MCC: variants seen among roughly 807,000 people sequenced by gnomAD.
MCC encodes the protein MCC regulator of Wnt signaling pathway.
Under a neutral mutation model 116.2 loss-of-function variants are expected in MCC, and 90 were observed. The observed-to-expected ratio is 0.77, with a 90% CI of 0.65 to 0.92. The LOEUF (loss-of-function observed/expected upper bound fraction) is 0.92. Ranked by LOEUF, MCC falls within the 40% of genes least tolerant of loss-of-function variation. The pLI is 0.00. For missense variants in MCC, 1,516 were observed against 1,312.2 expected (o/e 1.16, Z -2.40); for synonymous variants, 578 against 510.5 (o/e 1.13, Z -1.78).
intron 3 of MCC, among the ~76,000 whole-genome samples, chr5:113,243,390 G>C (rs1436605271): frequency 1.3e-5 from 2 of 152,070 alleles, no homozygotes; most frequent in Non-Finnish European, 2.9e-5. Context: ...CTATACTCCA[G>C]GTCTCTGCCT....
intron 11 of MCC, among the ~76,000 whole-genome samples, chr5:113,078,215 C>A (rs1181145602): frequency 2.6e-5 from 4 of 152,180 alleles, no homozygotes; most frequent in Non-Finnish European, 4.4e-5. Flanking sequence ...CAGCCGAATT[C>A]TACCAGAGGT....
intron 4 of MCC, among the ~76,000 whole-genome samples, chr5:113,145,151 AC>A (rs774468179): frequency 2.0e-5 from 3 of 152,328 alleles, no homozygotes; most frequent in Admixed American, 1.3e-4. Context: ...TTCCTCTCAG[AC>A]CTGCAGCACA....
chr5:113,280,235 G>C (rs1157395344), intron 3 of MCC, among the ~76,000 whole-genome samples: 1 of 152,232 alleles, frequency 6.6e-6, no homozygotes. Context: ...CTGTAGCCCA[G>C]ATCCTTTTTC....
At chr5:113,471,484 C>A (rs111779162) in intron 1 of MCC, among the ~76,000 whole-genome samples, 2 of 152,084 alleles carry the variant, frequency 1.3e-5, no homozygotes, top group Non-Finnish European at 2.9e-5. Flanking sequence ...TGCAGAGCAG[C>A]GGATACTGGT....
intron 1 of MCC, among the ~76,000 whole-genome samples, chr5:113,486,882 A>C (rs1185087597): frequency 6.6e-6 from 1 of 151,838 alleles, no homozygotes; most frequent in Non-Finnish European, 1.5e-5. Context: ...GTTTGCCTTT[A>C]TTATTGCAAA....
intron 2 of MCC, among the ~76,000 whole-genome samples, chr5:113,346,462 G>A (rs774765364): frequency 6.6e-5 from 10 of 152,054 alleles, no homozygotes; most frequent in Middle Eastern, 3.4e-3. Context: ...TTAGCCAGGC[G>A]TAGTGGTGGG....
At chr5:113,470,754 C>A (rs1772062249) in intron 1 of MCC, among the ~76,000 whole-genome samples, 1 of 93,822 alleles carries the variant, frequency 1.1e-5, no homozygotes, top group South Asian at 4.6e-4. Context: ...GGAAGTTCTC[C>A]TGGATAATAT....
chr5:113,182,359 C>G (rs76409729), intron 3 of MCC, among the ~76,000 whole-genome samples: 7,210 of 152,258 alleles, frequency 0.047, 218 homozygotes, highest in Middle Eastern at 0.11. Flanking sequence ...TTTCCTCAGA[C>G]CACACTAACA....
chr5:113,047,224 A>G (rs1440481379), intron 16 of MCC, among the ~76,000 whole-genome samples: 1 of 152,066 alleles, frequency 6.6e-6, no homozygotes, highest in Non-Finnish European at 1.5e-5. Context: ...CTCTGCGATC[A>G]CCCATTTGCC....
chr5:113,317,435 T>G (rs1163682772), intron 3 of MCC, among the ~76,000 whole-genome samples: 1 of 152,214 alleles, frequency 6.6e-6, no homozygotes, highest in Non-Finnish European at 1.5e-5. Context: ...TTTGAGTAAA[T>G]GACACTATAA....
In MCC at chr5:113,441,363, A is replaced by G. The variant is rs566762455; in HGVS notation, c.170+46882T>C. Among the ~76,000 whole-genome samples, 5 of 150,428 alleles carry G rather than the reference A, an allele frequency of 3.3e-5. No homozygotes were observed. The East Asian group carries it at 1.0e-3, about 30-fold the overall frequency. The stretch of plus-strand genomic sequence containing the variant: ...CAAAACAAAACAAAACAAAACAAAA[A>G]ACAAGTTCTCTTTATAGTAGAGAAA... On this transcript the variant is annotated intron_variant, in intron 1 of 18. Transcript: ENST00000408903.
intron 3 of MCC, among the ~76,000 whole-genome samples, chr5:113,337,214 T>C (rs1176367046): frequency 2.0e-5 from 3 of 152,072 alleles, no homozygotes; most frequent in Non-Finnish European, 4.4e-5. Context: ...AGTGGCAGTA[T>C]TTGGGGGACT....
At chr5:113,364,515 G>A (rs897282983) in intron 2 of MCC, among the ~76,000 whole-genome samples, 7 of 152,204 alleles carry the variant, frequency 4.6e-5, no homozygotes, top group Middle Eastern at 3.2e-3. Context: ...GGTGCAAACT[G>A]CCAGTGGCTC....
chr5:113,452,266 C>G (rs1462745922), intron 1 of MCC, among the ~76,000 whole-genome samples: 4 of 152,196 alleles, frequency 2.6e-5, no homozygotes, highest in African/African-American at 7.2e-5. Context: ...AAGGAAGCCA[C>G]ATGCATATAT....
intron 2 of MCC, among the ~76,000 whole-genome samples, chr5:113,365,791 C>T (rs1254650848): frequency 1.3e-5 from 2 of 152,150 alleles, no homozygotes; most frequent in East Asian, 3.9e-4. Flanking sequence ...TGGCAGAAGG[C>T]AAAGGAGGAG....
At chr5:113,031,641 C>G (rs1000046542) in intron 17 of MCC, among the ~76,000 whole-genome samples, 20 of 152,076 alleles carry the variant, frequency 1.3e-4, no homozygotes, top group African/African-American at 4.6e-4. Flanking sequence ...AAATTCACAA[C>G]AAAAAACTCT....
intron 5 of MCC, among the ~76,000 whole-genome samples, chr5:113,130,335 T>G (rs6594689): frequency 0.94 from 143,127 of 152,108 alleles, 67,830 homozygotes; most frequent in East Asian, 1. Context: ...GGGGCCTGTC[T>G]GGGGATGGGG....
At chr5:113,047,270 G>C (rs1422443153) in intron 16 of MCC, among the ~76,000 whole-genome samples, 1 of 152,208 alleles carries the variant, frequency 6.6e-6, no homozygotes, top group African/African-American at 2.4e-5. Context: ...ATTCCTAGAG[G>C]ACAGACTGCC....
At chr5:113,131,692 C>G (rs1376196770) in intron 5 of MCC, among the ~76,000 whole-genome samples, 3 of 152,132 alleles carry the variant, frequency 2.0e-5, no homozygotes, top group African/African-American at 7.2e-5. Flanking sequence ...CTGCTACTGA[C>G]TTTGCACCAC....
Sources: gnomAD v4.1 joint callset for allele counts (sites outside exome capture counted in the v4.1 genomes callset) on GRCh38, gnomAD v4.1.1 for gene constraint, MANE v1.5 for transcripts, NCBI Gene and HGNC (gene_info 2026-07-23, HGNC 2026-07-21) for gene names.